MAST2: variants seen among roughly 807,000 people sequenced by gnomAD.
The protein encoded by MAST2 is microtubule-associated serine/threonine-protein kinase 2.
Under a neutral mutation model 147.4 loss-of-function variants are expected in MAST2, and 70 were observed. The observed-to-expected ratio is 0.47, with a 90% confidence interval of 0.39 to 0.58. The LOEUF (loss-of-function observed/expected upper bound fraction) is 0.58, where lower values mean the gene tolerates loss of function less well. Among genes scored for constraint, MAST2 ranks in the 20% least tolerant of loss-of-function variants. The pLI, the probability that MAST2 is intolerant of heterozygous loss-of-function variation, is 0.00. For synonymous variants in MAST2, 869 were observed against 896.8 expected, an observed-to-expected ratio of 0.97 and a Z score of 0.55; for missense variants, 2,080 against 2,302.3, an observed-to-expected ratio of 0.90 and a Z score of 1.98.
In MAST2 at chr1:45,878,743, G is replaced by C. The variant is rs530967944; in HGVS notation, c.469-3621G>C. Among the ~76,000 whole-genome samples the C allele has an allele frequency of 2.5e-3, 384 of 152,178 alleles. 1 individual carries two copies. The highest frequency in any genetic ancestry group is 4.4e-3 in the Non-Finnish European group (297 of 67,980). On this transcript the variant is annotated intron_variant, in intron 3 of 28. Coordinates refer to ENST00000361297, the MANE Select transcript of MAST2 (RefSeq NM_015112.3). ...GAAATAAAAGTTTTTATTTATAATA[G>C]CTTTAAAAAATCTACTTAGGGATGA... is the stretch of plus-strand genomic sequence containing the variant.
intron 5 of MAST2, among the ~76,000 whole-genome samples, chr1:45,962,669 T>A (rs1324201256): frequency 5.1e-4 from 78 of 152,258 alleles, no homozygotes; most frequent in Non-Finnish European, 1.9e-4. Context: ...TTCTGGATAT[T>A]AACCCTTTGT....
intron 4 of MAST2, among the ~76,000 whole-genome samples, chr1:45,939,990 T>TTTGTTTTTTTTGTTTTTTTTG (rs1557937979): frequency 4.2e-5 from 4 of 94,446 alleles, no homozygotes; most frequent in East Asian, 3.3e-4. Context: ...GTTTTTTTTT[T>TTTGTTTTTTTTGTTTTTTTTG]TTTTTTTTTT....
At position 45,900,444 on chromosome 1, in the gene MAST2, A is replaced by AT. The variant is rs1557883752; in HGVS notation, c.500+18050dup. Among the ~76,000 whole-genome samples the AT allele has an allele frequency of 6.5e-3, 96 of 14,856 alleles. 14 individuals are homozygous for AT. The highest frequency in any genetic ancestry group is 0.015 in the Admixed American group (12 of 810). 9.7% of individuals were successfully genotyped at this position (14,856 alleles called of 152,430 possible). A position where few individuals can be genotyped will look rare whatever the true frequency, so the allele number is the denominator to read the frequency against. ...TTTCTCTGATGATTAGTGATGTTGG[A>AT]TATTTTTTTTTTTTTTTTTTTTTTT... On this transcript the variant is annotated intron_variant, in intron 4 of 28. Transcript: ENST00000361297.
chr1:45,916,525 C>T (rs148825319), intron 4 of MAST2, among the ~76,000 whole-genome samples: 1,868 of 151,968 alleles, frequency 0.012, 15 homozygotes, highest in Non-Finnish European at 0.018. Context: ...GAAAAAATAA[C>T]CTGGGAATCT....
At chr1:45,978,013 C>G (rs1171531458) in intron 5 of MAST2, among the ~76,000 whole-genome samples, 1 of 151,916 alleles carries the variant, frequency 6.6e-6, no homozygotes, top group Non-Finnish European at 1.5e-5. Context: ...CCGAGGAGTT[C>G]GAGACCAGCC....
chr1:45,946,992 T>C (rs981382719), intron 4 of MAST2, among the ~76,000 whole-genome samples: 1 of 152,182 alleles, frequency 6.6e-6, no homozygotes, highest in Non-Finnish European at 1.5e-5. Context: ...ACTTGACTTT[T>C]AGATCATTTG....
intron 4 of MAST2, among the ~76,000 whole-genome samples, chr1:45,921,645 A>T (rs1356008910): frequency 2.0e-5 from 3 of 152,156 alleles, no homozygotes; most frequent in Admixed American, 6.5e-5. Flanking sequence ...CACGCAAGCA[A>T]CTTCCACAGC....
intron 1 of MAST2, among the ~76,000 whole-genome samples, chr1:45,819,365 TAATTAGAC>T (rs1261400445): frequency 1.3e-5 from 2 of 151,928 alleles, no homozygotes; most frequent in Non-Finnish European, 1.5e-5. Context: ...TTAACTATGG[TAATTAGAC>T]AAGAAAAAGA....
chr1:46,029,903 C>T lies in MAST2; in HGVS notation c.2393C>T (p.Ala798Val). ...LDWTGLLRQK[A>V]EFIPQLESED... ...TGGACAGGACTTCTCCGCCAGAAGG[C>T]TGAATTTATTCCTCAGTTGGAGTCA... is the stretch of plus-strand genomic sequence containing the variant. Residue 798 changes from alanine to valine, a missense_variant, in exon 20 of 29, where the codon GCT (alanine) becomes GTT (valine). Ala to Val is a moderately conservative substitution (Grantham distance 64). Transcript: ENST00000361297. The T allele has an allele frequency of 6.2e-7, 1 of 1,614,182 alleles. No homozygotes were observed. The highest frequency in any genetic ancestry group is 8.5e-7 in the Non-Finnish European group (1 of 1,180,024).
At chr1:45,900,893 G>C (rs903331320) in intron 4 of MAST2, among the ~76,000 whole-genome samples, 6 of 152,032 alleles carry the variant, frequency 3.9e-5, no homozygotes, top group African/African-American at 1.4e-4. Context: ...ATAGATTCTG[G>C]ATATTAGTCC....
chr1:46,022,098 A>G lies in MAST2; in HGVS notation c.1423+16A>G, dbSNP rs1346664383. 6.2e-7 allele frequency: 1 copy of G among 1,613,434 alleles called. No homozygotes were observed. The highest frequency in any genetic ancestry group is 2.2e-5 in the East Asian group (1 of 44,900). On this transcript the variant is annotated intron_variant, in intron 12 of 28. Coordinates refer to ENST00000361297, the MANE Select transcript of MAST2 (RefSeq NM_015112.3). The stretch of plus-strand genomic sequence containing the variant: ...CCCCTAGAAGGTGAGCATGCTGCCT[A>G]GTGGCTGCAAAGAGGCCCCACTGCT...
In MAST2 at chr1:45,856,212, T is replaced by C. The variant is rs78621798; in HGVS notation, c.469-26152T>C. On this transcript the variant is annotated intron_variant, in intron 3 of 28. Coordinates refer to ENST00000361297, the MANE Select transcript of MAST2 (RefSeq NM_015112.3). ...TGGGTGGCTCACATCCGTAATCCAA[T>C]GCTTTGGGAGGCTGAGGTGGGGGGA... Among the ~76,000 whole-genome samples, 539 of 152,308 alleles carry C rather than the reference T, an allele frequency of 3.5e-3. 6 individuals are homozygous for C. Among genetic ancestry groups the C allele is most frequent in the East Asian group, 0.034 (177 of 5,192 alleles).
intron 11 of MAST2, among the ~76,000 whole-genome samples, chr1:46,020,543 G>T (rs1293728480): frequency 1.3e-5 from 2 of 152,156 alleles, no homozygotes; most frequent in Non-Finnish European, 2.9e-5. Context: ...TATTATTAAG[G>T]TATAATTTTC....
intron 4 of MAST2, among the ~76,000 whole-genome samples, chr1:45,899,158 G>C (rs1193490260): frequency 6.6e-6 from 1 of 152,094 alleles, no homozygotes; most frequent in Non-Finnish European, 1.5e-5. Flanking sequence ...TTCCAAAGCA[G>C]GATGATGGTT....
intron 5 of MAST2, among the ~76,000 whole-genome samples, chr1:45,971,428 G>A (rs925938729): frequency 2.0e-5 from 3 of 152,216 alleles, no homozygotes; most frequent in African/African-American, 7.2e-5. Context: ...AGTCAGTGGG[G>A]ACAGGCCTGG....
intron 5 of MAST2, among the ~76,000 whole-genome samples, chr1:45,969,050 T>A (rs577712639): frequency 6.6e-6 from 1 of 152,324 alleles, no homozygotes; most frequent in South Asian, 2.1e-4. Context: ...TGATTCTTCC[T>A]TAGAATTTCT....
At chr1:45,912,106 T>C (rs1253481864) in intron 4 of MAST2, among the ~76,000 whole-genome samples, 17 of 151,974 alleles carry the variant, frequency 1.1e-4, no homozygotes, top group Admixed American at 1.1e-3. Context: ...GTTCTAGTTA[T>C]CTTTAGGACC....
chr1:45,994,723 C>G (rs1218642060), intron 5 of MAST2, among the ~76,000 whole-genome samples: 2 of 152,182 alleles, frequency 1.3e-5, no homozygotes, highest in Admixed American at 6.5e-5. Context: ...TTGGGAAATT[C>G]CAAGGATTTA....
chr1:45,987,762 G>GTTTTTTTTTTTTTTTTTTTTTTTTTTTTT (rs11462786), intron 5 of MAST2, among the ~76,000 whole-genome samples: 2 of 62,730 alleles, frequency 3.2e-5, no homozygotes, highest in African/African-American at 6.6e-5. Flanking sequence ...AGCATTTCTT[G>GTTTTTTTTTTTTTTTTTTTTTTTTTTTTT]TTTTTTTTTT....
Sources: allele counts gnomAD v4.1 joint callset (sites outside exome capture counted in the v4.1 genomes callset), GRCh38; gene constraint gnomAD v4.1.1; transcripts MANE v1.5; gene names NCBI Gene and HGNC (gene_info 2026-07-23, HGNC 2026-07-21).